STOX2: variants seen among roughly 807,000 people sequenced by gnomAD.
STOX2 encodes the protein storkhead-box protein 2.
A neutral mutation model predicts 60.9 loss-of-function variants in STOX2; 28 were observed. That is an observed-to-expected ratio of 0.46 (90% CI 0.34 to 0.63). The LOEUF (loss-of-function observed/expected upper bound fraction) is 0.63, where lower values mean the gene tolerates loss of function less well. Among genes scored for constraint, STOX2 ranks in the 30% least tolerant of loss-of-function variants. The pLI, the probability that STOX2 is intolerant of heterozygous loss-of-function variation, is 0.01. For synonymous variants in STOX2, 472 were observed against 463.9 expected, an observed-to-expected ratio of 1.02 and a Z score of -0.22; for missense variants, 1,024 against 1,187.7, an observed-to-expected ratio of 0.86 and a Z score of 2.03.
intron 1 of STOX2, among the ~76,000 whole-genome samples, chr4:183,827,786 G>A (rs1032218318): frequency 4.0e-5 from 6 of 151,500 alleles, no homozygotes; most frequent in Admixed American, 3.3e-4. Context: ...AGAGGCTGAG[G>A]CAGGAGGATT....
At chr4:184,003,699 G>T (rs1219538342) in intron 2 of STOX2, among the ~76,000 whole-genome samples, 1 of 152,234 alleles carries the variant, frequency 6.6e-6, no homozygotes, top group East Asian at 1.9e-4. Context: ...TGCGATAGTG[G>T]CAGAGTTGAG....
intron 1 of STOX2, among the ~76,000 whole-genome samples, chr4:183,819,114 A>G (rs1739237873): frequency 6.6e-6 from 1 of 151,794 alleles, no homozygotes; most frequent in Non-Finnish European, 1.5e-5. Flanking sequence ...GCGGCCAGGC[A>G]GAGACGCTCC....
At chr4:183,993,150 G>A (rs985604067) in intron 1 of STOX2, among the ~76,000 whole-genome samples, 5 of 152,192 alleles carry the variant, frequency 3.3e-5, no homozygotes, top group Non-Finnish European at 5.9e-5. Flanking sequence ...CTTTCTGCCC[G>A]ATGCTCTACC....
intron 1 of STOX2, among the ~76,000 whole-genome samples, chr4:183,911,245 C>T (rs1201144348): frequency 6.6e-6 from 1 of 152,152 alleles, no homozygotes; most frequent in African/African-American, 2.4e-5. Context: ...AATCCTATTC[C>T]CTATCATCCT....
At chr4:183,919,620 T>G (rs912494824) in intron 1 of STOX2, among the ~76,000 whole-genome samples, 1 of 152,142 alleles carries the variant, frequency 6.6e-6, no homozygotes, top group African/African-American at 2.4e-5. Flanking sequence ...ATTGGGATTG[T>G]TTTTTAAGAT....
At chr4:184,012,652 G>T (rs2111254451) in intron 3 of STOX2, among the ~76,000 whole-genome samples, 1 of 152,030 alleles carries the variant, frequency 6.6e-6, no homozygotes, top group East Asian at 1.9e-4. Flanking sequence ...GTTAACACGT[G>T]TGTGGAAGTC....
chr4:183,869,412 C>T (rs926062475), intron 1 of STOX2, among the ~76,000 whole-genome samples: 1 of 152,044 alleles, frequency 6.6e-6, no homozygotes, highest in Admixed American at 6.6e-5. Flanking sequence ...CATGGGAATC[C>T]TGTGAAAGGT....
At chr4:183,895,285 T>C (rs1016596721) in intron 1 of STOX2, among the ~76,000 whole-genome samples, 1 of 152,232 alleles carries the variant, frequency 6.6e-6, no homozygotes, top group South Asian at 2.1e-4. Context: ...TTAGATAGAA[T>C]TCTTATCTAT....
intron 1 of STOX2, among the ~76,000 whole-genome samples, chr4:183,915,912 G>A (rs950639606): frequency 6.6e-6 from 1 of 152,244 alleles, no homozygotes; most frequent in African/African-American, 2.4e-5. Context: ...ACTGTGCGGT[G>A]CTAGTTCCAG....
intron 1 of STOX2, among the ~76,000 whole-genome samples, chr4:183,966,925 A>C (rs1423231357): frequency 6.6e-6 from 1 of 152,218 alleles, no homozygotes; most frequent in African/African-American, 2.4e-5. Context: ...ACTCTCCCTG[A>C]TTTCATTCAT....
At chr4:183,924,779 C>G (rs541508204) in intron 1 of STOX2, among the ~76,000 whole-genome samples, 3 of 152,154 alleles carry the variant, frequency 2.0e-5, no homozygotes, top group East Asian at 1.9e-4. Flanking sequence ...GAATTCCATG[C>G]CTGGCGGTGC....
chr4:183,802,785 C>T (rs1738797204), intron 1 of STOX2, among the ~76,000 whole-genome samples: 1 of 152,074 alleles, frequency 6.6e-6, no homozygotes, highest in Admixed American at 6.6e-5. Flanking sequence ...ACACACCTGG[C>T]TGATTTTTTG....
chr4:184,017,208 C>G lies in STOX2; in HGVS notation c.2705C>G (p.Ala902Gly). Reference protein sequence around the residue: ...AGPAFNFRASAEPPTNEAEKL... With the variant: ...AGPAFNFRASGEPPTNEAEKL... Reference sequence around the variant, plus strand: ...CCAGCCTTCAACTTCCGAGCGAGCGCGGAGCCCCCGACAAATGAAGCTGAG... The same window carrying G: ...CCAGCCTTCAACTTCCGAGCGAGCGGGGAGCCCCCGACAAATGAAGCTGAG... The change falls in exon 4 of 4, where the codon GCG becomes GGG. Residue 902 changes from alanine to glycine, a missense_variant. By Grantham distance (60) the Ala-to-Gly change is moderately conservative. Transcript: ENST00000308497. The G allele has an allele frequency of 6.2e-7, 1 of 1,611,572 alleles. No individual in the cohort carries two copies. Among genetic ancestry groups the G allele is most frequent in the Non-Finnish European group, 8.5e-7 (1 of 1,178,820 alleles).
At chr4:183,813,152 G>T (rs1396721376) in intron 1 of STOX2, among the ~76,000 whole-genome samples, 1 of 152,162 alleles carries the variant, frequency 6.6e-6, no homozygotes, top group Admixed American at 6.5e-5. Flanking sequence ...GGGAAGCCGA[G>T]GGGGGCAGAT....
At chr4:183,822,986 C>T (rs191221074) in intron 1 of STOX2, among the ~76,000 whole-genome samples, 29 of 152,364 alleles carry the variant, frequency 1.9e-4, no homozygotes, top group Admixed American at 1.8e-3. Flanking sequence ...GTGTCCGACC[C>T]ATCTGCTGTG....
At chr4:183,918,977 C>T (rs1436062376) in intron 1 of STOX2, among the ~76,000 whole-genome samples, 1 of 152,192 alleles carries the variant, frequency 6.6e-6, no homozygotes, top group Non-Finnish European at 1.5e-5. Context: ...TATTCATTTG[C>T]AACATATCCT....
intron 1 of STOX2, among the ~76,000 whole-genome samples, chr4:183,983,702 A>T (rs1024550381): frequency 2.0e-5 from 3 of 152,234 alleles, no homozygotes; most frequent in African/African-American, 7.2e-5. Flanking sequence ...ACTAAGGGCC[A>T]TCTAGCAAAT....
At chr4:183,986,978 T>C (rs1036990228) in intron 1 of STOX2, among the ~76,000 whole-genome samples, 1 of 152,200 alleles carries the variant, frequency 6.6e-6, no homozygotes, top group Non-Finnish European at 1.5e-5. Flanking sequence ...GTGCCCCTGG[T>C]AGCTGAGCTG....
exon 1 of STOX2, chr4:183,798,048 C>T (rs1183077588): frequency 4.1e-6 from 5 of 1,229,326 alleles, no homozygotes; most frequent in Admixed American, 8.5e-5. Context: ...TCCACATCCG[C>T]TGCCTGGGTG....
Sources: gnomAD v4.1 joint callset for allele counts (sites outside exome capture counted in the v4.1 genomes callset) on GRCh38, gnomAD v4.1.1 for gene constraint, MANE v1.5 for transcripts, NCBI Gene and HGNC (gene_info 2026-07-23, HGNC 2026-07-21) for gene names.